Variants in COL19A1 observed in about 807,000 individuals in gnomAD.
COL19A1 encodes collagen alpha-1(XIX) chain.
In COL19A1, 159 loss-of-function variants were observed where a neutral mutation model predicts 190.2. The observed-to-expected ratio is 0.84, with a 90% CI of 0.73 to 0.95. COL19A1 has a LOEUF of 0.95. Ranked by LOEUF, COL19A1 falls within the 40% of genes least tolerant of loss-of-function variation. The pLI is 0.00. For missense variants in COL19A1, 1,418 were observed against 1,431.9 expected (o/e 0.99, Z 0.16); for synonymous variants, 509 against 458.9 (o/e 1.11, Z -1.39).
Position 70,157,477 on chromosome 6 carries a change from A to G in COL19A1, c.2292+754A>G, listed in dbSNP as rs538959225. ...AATGAAAGTAAGTAAGCCATCTGGC[A>G]TATATTAACCTTGATGTTATTGTAG... On this transcript the variant is annotated intron_variant, in intron 34 of 50. Coordinates refer to ENST00000620364, the MANE Select transcript of COL19A1 (RefSeq NM_001858.6). Among the ~76,000 whole-genome samples, 112 of 152,306 alleles carry G rather than the reference A, an allele frequency of 7.4e-4. 1 individual carries two copies. The South Asian group carries it at 0.012, about 17-fold the overall frequency.
chr6:70,168,781 A>G lies in COL19A1; in HGVS notation c.2568+100A>G, dbSNP rs549582061. 173 of 1,207,386 alleles carry G rather than the reference A, an allele frequency of 1.4e-4. 1 individual carries two copies. The highest frequency in any genetic ancestry group is 2.4e-6 in the Non-Finnish European group (2 of 835,246). 74.8% of individuals were successfully genotyped at this position (1,207,386 alleles called of 1,614,324 possible). ...AAATGGCCTGCCTTCTTAGGTGTTC[A>G]TCAATTAACATGCTGGTGGTGACAA... is the stretch of plus-strand genomic sequence containing the variant. On this transcript the variant is annotated intron_variant, in intron 40 of 50. Transcript: ENST00000620364.
intron 4 of COL19A1, among the ~76,000 whole-genome samples, chr6:69,920,028 G>T (rs1256283007): frequency 6.6e-6 from 1 of 151,980 alleles, no homozygotes; most frequent in Non-Finnish European, 1.5e-5. Flanking sequence ...AGAGGTTAGG[G>T]TTATTTTTCC....
At chr6:70,131,581 TG>T (rs1785525967) in intron 18 of COL19A1, among the ~76,000 whole-genome samples, 1 of 152,190 alleles carries the variant, frequency 6.6e-6, no homozygotes, top group Non-Finnish European at 1.5e-5. Flanking sequence ...CATTATTTCC[TG>T]TAACCTAATA....
At position 70,176,516 on chromosome 6, in the gene COL19A1, A is replaced by G. The variant is rs1765813247; in HGVS notation, c.2623-4A>G. On this transcript the variant is annotated splice_region_variant and splice_polypyrimidine_tract_variant and intron_variant, in intron 41 of 50. Coordinates refer to ENST00000620364, the MANE Select transcript of COL19A1 (RefSeq NM_001858.6). ...AAAGTAGCAATGTTTTTAAATCCCAACAGGGAGATCGAGGCCCAGCAGGTC... is the reference window on the plus strand; with the variant it reads ...AAAGTAGCAATGTTTTTAAATCCCAGCAGGGAGATCGAGGCCCAGCAGGTC... 4.3e-6 allele frequency: 7 copies of G among 1,613,504 alleles called. No individual in the cohort carries two copies. In the African/African-American group the frequency reaches 9.3e-5, roughly 22 times the overall value.
intron 10 of COL19A1, among the ~76,000 whole-genome samples, chr6:69,961,785 CAT>C (rs776965459): frequency 8.6e-5 from 13 of 151,904 alleles, no homozygotes; most frequent in Admixed American, 2.6e-4. Flanking sequence ...TAATCATAAA[CAT>C]ATATGCAATT....
chr6:70,135,066 G>C (rs918324858), intron 18 of COL19A1, among the ~76,000 whole-genome samples: 2 of 152,138 alleles, frequency 1.3e-5, no homozygotes, highest in Non-Finnish European at 2.9e-5. Context: ...ACAGAACTCA[G>C]GGAGATATTT....
chr6:69,942,740 A>ATGTATGTGTG (rs1554170206), intron 9 of COL19A1, among the ~76,000 whole-genome samples: 1 of 146,586 alleles, frequency 6.8e-6, no homozygotes, highest in African/African-American at 2.5e-5. Context: ...CATTGTGTGT[A>ATGTATGTGTG]TGTGTGTGTG....
chr6:69,991,597 G>T (rs548076465), intron 11 of COL19A1, among the ~76,000 whole-genome samples: 1 of 152,066 alleles, frequency 6.6e-6, no homozygotes, highest in Admixed American at 6.6e-5. Flanking sequence ...GTGTGAGATG[G>T]TTTCTTATTA....
rs3840391 is a variant in COL19A1 at position 69,880,317 on chromosome 6, GT to G, written c.91+660del. The stretch of plus-strand genomic sequence containing the variant: ...AAGACTTTTCTTGAACATTGAGTGT[GT>G]ATAAGTTACTTAGCTAAATGCAATT... On this transcript the variant is annotated intron_variant, in intron 2 of 50. Coordinates refer to ENST00000620364, the MANE Select transcript of COL19A1 (RefSeq NM_001858.6). Among the ~76,000 whole-genome samples, 68 of 152,272 alleles carry G rather than the reference GT, an allele frequency of 4.5e-4. No individual in the cohort carries two copies. The East Asian group carries it at 0.012, about 27-fold the overall frequency.
intron 2 of COL19A1, among the ~76,000 whole-genome samples, chr6:69,888,294 C>T (rs978178792): frequency 9.2e-5 from 14 of 152,046 alleles, no homozygotes; most frequent in Non-Finnish European, 1.5e-4. Flanking sequence ...CACAGGGAGA[C>T]GGAGGCCAAA....
rs1415445300 is a variant in COL19A1, at chr6:70,210,194, G to T, written c.*2920G>T. On this transcript the variant is annotated 3_prime_UTR_variant, in exon 51 of 51. Coordinates refer to ENST00000620364, the MANE Select transcript of COL19A1 (RefSeq NM_001858.6). Reference sequence around the variant, plus strand: ...TTAAAACTGTGATTTCCATATACAAGTATGTTTGAGTTCCAATCTTACATT... The same window carrying T: ...TTAAAACTGTGATTTCCATATACAATTATGTTTGAGTTCCAATCTTACATT... Among the ~76,000 whole-genome samples, 1 of 151,824 alleles carries T rather than the reference G, an allele frequency of 6.6e-6. No homozygotes were observed. The highest frequency in any genetic ancestry group is 1.5e-5 in the Non-Finnish European group (1 of 68,004).
chr6:69,898,981 A>G lies in COL19A1; in HGVS notation c.125A>G (p.His42Arg), dbSNP rs753800697. The stretch of plus-strand genomic sequence containing the variant: ...TGCCCTATCCTGAGAATAGAGGGAC[A>G]TCAGCTGACATATGACAACATAAAC... ...ESCPILRIEG[H>R]QLTYDNINKL... Residue 42 changes from histidine to arginine, a missense_variant, in exon 3 of 51, where the codon CAT becomes CGT. Coordinates refer to ENST00000620364, the MANE Select transcript of COL19A1 (RefSeq NM_001858.6). 2.5e-6 allele frequency: 4 copies of G among 1,611,148 alleles called. No homozygotes were observed. Among genetic ancestry groups the G allele is most frequent in the South Asian group, 1.1e-5 (1 of 90,962 alleles).
intron 11 of COL19A1, among the ~76,000 whole-genome samples, chr6:69,989,117 G>A (rs567024469): frequency 6.6e-6 from 1 of 152,130 alleles, no homozygotes; most frequent in African/African-American, 2.4e-5. Flanking sequence ...TGCCTAGATT[G>A]TTGGAATAGG....
rs138895135 is a variant in COL19A1, at chr6:70,182,743, G to A, written c.2776-1960G>A. Among the ~76,000 whole-genome samples, 515 of 152,322 alleles carry A rather than the reference G, an allele frequency of 3.4e-3. 2 individuals are homozygous for A. The highest frequency in any genetic ancestry group is 0.012 in the African/African-American group (482 of 41,570). Reference sequence around the variant, plus strand: ...AATAATTCTCTACTGCATCAGAAACGTAGAGGTCATTGGTGGGAGAGATCA... The same window carrying A: ...AATAATTCTCTACTGCATCAGAAACATAGAGGTCATTGGTGGGAGAGATCA... On this transcript the variant is annotated intron_variant, in intron 44 of 50. Coordinates refer to ENST00000620364, the MANE Select transcript of COL19A1 (RefSeq NM_001858.6).
At chr6:70,154,874 C>T (rs1453739450) in intron 31 of COL19A1, among the ~76,000 whole-genome samples, 1 of 152,112 alleles carries the variant, frequency 6.6e-6, no homozygotes, top group African/African-American at 2.4e-5. Flanking sequence ...GCAAGTCAAC[C>T]CCTTCCACCT....
At chr6:70,135,291 T>C (rs929703626) in intron 18 of COL19A1, among the ~76,000 whole-genome samples, 6 of 152,124 alleles carry the variant, frequency 3.9e-5, no homozygotes, top group African/African-American at 1.2e-4. Flanking sequence ...GTAGGCGTGA[T>C]TGATTAAATC....
At chr6:69,920,055 G>T (rs981926190) in intron 4 of COL19A1, among the ~76,000 whole-genome samples, 1 of 152,068 alleles carries the variant, frequency 6.6e-6, no homozygotes, top group African/African-American at 2.4e-5. Context: ...GGGAATAGTT[G>T]TAATTTTTAA....
intron 1 of COL19A1, among the ~76,000 whole-genome samples, chr6:69,871,358 G>A (rs769086574): frequency 9.9e-5 from 15 of 152,248 alleles, no homozygotes; most frequent in Middle Eastern, 3.4e-3. Context: ...TCCTGGTGGA[G>A]TTACGTATGT....
intron 16 of COL19A1, among the ~76,000 whole-genome samples, chr6:70,113,003 G>A (rs1784368552): frequency 6.6e-6 from 1 of 152,178 alleles, no homozygotes; most frequent in Non-Finnish European, 1.5e-5. Flanking sequence ...AACATCCAGA[G>A]CTGCCTTTGC....
Sources: allele counts gnomAD v4.1 joint callset (sites outside exome capture counted in the v4.1 genomes callset), GRCh38; gene constraint gnomAD v4.1.1; transcripts MANE v1.5; gene names NCBI Gene and HGNC (gene_info 2026-07-23, HGNC 2026-07-21).